STAB2: variants seen among roughly 807,000 people sequenced by gnomAD.
The protein encoded by STAB2 is stabilin-2.
Under a neutral mutation model 338.1 loss-of-function variants are expected in STAB2, and 288 were observed. That is an observed-to-expected ratio of 0.85 (90% CI 0.77 to 0.94). STAB2 has a LOEUF of 0.94. STAB2 is among the 40% of genes least tolerant of loss of function. The pLI is 0.00. For synonymous variants in STAB2, 1,202 were observed against 1,193.3 expected, an observed-to-expected ratio of 1.01 and a Z score of -0.15; for missense variants, 3,141 against 3,210.1, an observed-to-expected ratio of 0.98 and a Z score of 0.52.
chr12:103,721,124 C>T (rs1880728979), intron 44 of STAB2, among the ~76,000 whole-genome samples: 1 of 132,534 alleles, frequency 7.5e-6, no homozygotes, highest in Admixed American at 7.1e-5. Flanking sequence ...GGCCCCACCT[C>T]CTAATACCAT....
chr12:103,702,346 C>T (rs1336988915), intron 34 of STAB2, among the ~76,000 whole-genome samples: 1 of 150,160 alleles, frequency 6.7e-6, no homozygotes, highest in East Asian at 2.0e-4. Flanking sequence ...GGCCGGACTG[C>T]GGACTGCAGT....
rs759768711 is a variant in STAB2 at position 103,735,613 on chromosome 12, G to A, written c.5550+33G>A. ...TCATCATGAAGGGTGGGCAGGGAGGGGTTAACACATTCACAGCAAGCTATT... is the reference window on the plus strand; with the variant it reads ...TCATCATGAAGGGTGGGCAGGGAGGAGTTAACACATTCACAGCAAGCTATT... On this transcript the variant is annotated intron_variant, in intron 52 of 68. Coordinates refer to ENST00000388887, the MANE Select transcript of STAB2 (RefSeq NM_017564.10). 4 of 1,248,758 alleles carry A rather than the reference G, an allele frequency of 3.2e-6. No individual in the cohort carries two copies. In the African/African-American group the frequency reaches 4.4e-5, roughly 14 times the overall value. The allele number at this position is 1,248,758 out of a possible 1,614,324, so 77.4% of individuals were successfully genotyped here. A position where few individuals can be genotyped will look rare whatever the true frequency, so the allele number is the denominator to read the frequency against.
intron 42 of STAB2, 57 bp from the exon 43 acceptor site, chr12:103,715,758 C>T (rs1360713946): frequency 7.5e-6 from 12 of 1,603,866 alleles, no homozygotes; most frequent in South Asian, 2.2e-5. Context: ...CTCAAGCTGG[C>T]TTCACTTGGA....
At chr12:103,618,358 G>C (rs1366563361) in intron 3 of STAB2, among the ~76,000 whole-genome samples, 2 of 152,148 alleles carry the variant, frequency 1.3e-5, no homozygotes, top group Non-Finnish European at 2.9e-5. Context: ...GCCCTCACCA[G>C]ACACAGAATC....
intron 23 of STAB2, among the ~76,000 whole-genome samples, chr12:103,674,837 A>G (rs1876180349): frequency 6.6e-6 from 1 of 152,182 alleles, no homozygotes; most frequent in Admixed American, 6.5e-5. Context: ...TGCCTCTCCC[A>G]CTAGACTATA....
chr12:103,624,313 A>C (rs1957348287), intron 5 of STAB2, among the ~76,000 whole-genome samples: 1 of 152,176 alleles, frequency 6.6e-6, no homozygotes, highest in South Asian at 2.1e-4. Flanking sequence ...TGAGTATATG[A>C]CTAGGTGAAT....
intron 5 of STAB2, among the ~76,000 whole-genome samples, chr12:103,627,324 A>G (rs138890605): frequency 1.4e-3 from 212 of 152,262 alleles, no homozygotes; most frequent in African/African-American, 5.0e-3. Context: ...GTGGGTGACA[A>G]CTGTGATGAT....
chr12:103,692,296 G>A (rs1392817022), intron 30 of STAB2, among the ~76,000 whole-genome samples: 1 of 152,174 alleles, frequency 6.6e-6, no homozygotes, highest in Non-Finnish European at 1.5e-5. Flanking sequence ...TCCACCCTAA[G>A]GACCTCACTT....
intron 1 of STAB2, among the ~76,000 whole-genome samples, chr12:103,590,087 G>A (rs1956772917): frequency 6.6e-6 from 1 of 152,014 alleles, no homozygotes; most frequent in Non-Finnish European, 1.5e-5. Context: ...TTGAGGAAAG[G>A]GAGGCATCTC....
At position 103,730,101 on chromosome 12, in the gene STAB2, T is replaced by C. The variant is rs372504761; in HGVS notation, c.5083-15T>C. Reference sequence around the variant, plus strand: ...ACTTTGCACTCATTTCTTTTTTGTTTTTGGTTGATTTCAGAGCACGGTGTA... The same window carrying C: ...ACTTTGCACTCATTTCTTTTTTGTTCTTGGTTGATTTCAGAGCACGGTGTA... On this transcript the variant is annotated splice_polypyrimidine_tract_variant and intron_variant, in intron 48 of 68. Coordinates refer to ENST00000388887, the MANE Select transcript of STAB2 (RefSeq NM_017564.10). The C allele has an allele frequency of 6.4e-7, 1 of 1,561,746 alleles. No individual in the cohort carries two copies.
intron 50 of STAB2, among the ~76,000 whole-genome samples, chr12:103,732,566 G>A (rs1010292609): frequency 6.6e-6 from 1 of 152,146 alleles, no homozygotes; most frequent in East Asian, 1.9e-4. Context: ...AGTACTTTGG[G>A]AGGCCAAGGC....
chr12:103,609,507 A>G (rs1306419634), intron 3 of STAB2, among the ~76,000 whole-genome samples: 5 of 152,118 alleles, frequency 3.3e-5, no homozygotes, highest in African/African-American at 4.8e-5. Context: ...TTGGAGTATA[A>G]GAATGCTTGT....
At chr12:103,719,137 C>A (rs951544661) in intron 44 of STAB2, among the ~76,000 whole-genome samples, 1 of 152,104 alleles carries the variant, frequency 6.6e-6, no homozygotes, top group South Asian at 2.1e-4. Flanking sequence ...AGGCCTGGTA[C>A]CTGCAAAGGG....
intron 60 of STAB2, among the ~76,000 whole-genome samples, chr12:103,752,643 T>C (rs985488392): frequency 1.3e-5 from 2 of 152,224 alleles, no homozygotes; most frequent in African/African-American, 2.4e-5. Flanking sequence ...AAACTCACTT[T>C]AATGTGTTTT....
intron 39 of STAB2, chr12:103,711,224 T>G: frequency 1.8e-6 from 1 of 541,726 alleles, no homozygotes. Flanking sequence ...TATTCACTCT[T>G]GCATCCTCAC....
At chr12:103,701,401 T>C (rs892662712) in intron 34 of STAB2, among the ~76,000 whole-genome samples, 4 of 152,174 alleles carry the variant, frequency 2.6e-5, no homozygotes, top group Non-Finnish European at 4.4e-5. Context: ...ATGGTATTTC[T>C]AGTTCTAGAT....
chr12:103,725,583 C>T (rs1164127176), intron 45 of STAB2, among the ~76,000 whole-genome samples: 1 of 151,276 alleles, frequency 6.6e-6, no homozygotes, highest in Non-Finnish European at 1.5e-5. Flanking sequence ...TGTGTGTACA[C>T]GTGTGTGTGC....
intron 3 of STAB2, among the ~76,000 whole-genome samples, chr12:103,605,609 G>A (rs1957016192): frequency 6.6e-6 from 1 of 151,794 alleles, no homozygotes; most frequent in African/African-American, 2.4e-5. Flanking sequence ...TCTCCTTGCA[G>A]TTCAATGAGT....
chr12:103,697,806 C>T (rs7296691), intron 33 of STAB2, among the ~76,000 whole-genome samples: 65,331 of 152,086 alleles, frequency 0.43, 14,122 homozygotes, highest in East Asian at 0.58. Context: ...CTTATGACCC[C>T]TAAAGCTAGG....
Sources: gnomAD v4.1 joint callset for allele counts (sites outside exome capture counted in the v4.1 genomes callset) on GRCh38, gnomAD v4.1.1 for gene constraint, MANE v1.5 for transcripts, NCBI Gene and HGNC (gene_info 2026-07-23, HGNC 2026-07-21) for gene names.